The following ACSL6 variants were observed in gnomAD, a reference collection of about 807,000 sequenced individuals.
ACSL6 encodes the protein long-chain-fatty-acid--CoA ligase 6.
ACSL6 carries 47 observed loss-of-function variants against 98.2 expected under a neutral mutation model. The ratio of observed to expected loss-of-function variants is 0.48; its 90% CI spans 0.38 to 0.61. ACSL6 has a LOEUF of 0.61. Among genes scored for constraint, ACSL6 ranks in the 20% least tolerant of loss-of-function variants. The probability of loss-of-function intolerance (pLI) is 0.00; values close to 1 mark genes in which losing one functional copy is unlikely to be tolerated. For missense variants in ACSL6, 761 were observed against 913.4 expected (o/e 0.83, Z 2.15); for synonymous variants, 362 against 336.9 (o/e 1.07, Z -0.82).
intron 9 of ACSL6, among the ~76,000 whole-genome samples, chr5:131,981,632 A>T (rs117629905): frequency 0.018 from 2,700 of 152,322 alleles, 41 homozygotes; most frequent in Admixed American, 0.062. Context: ...TTTGCTCAAC[A>T]TTGTGGCATA....
intron 7 of ACSL6, 49 bp downstream of exon 7, chr5:131,987,999 G>A (rs758058265): frequency 4.4e-6 from 7 of 1,597,848 alleles, no homozygotes; most frequent in South Asian, 2.3e-5. Context: ...TTCTGACTTG[G>A]TGACCAGCCA....
chr5:131,966,254 T>A (rs1194582795), intron 17 of ACSL6, among the ~76,000 whole-genome samples, 162 bp downstream of exon 17: 1 of 152,026 alleles, frequency 6.6e-6, no homozygotes, highest in Non-Finnish European at 1.5e-5. Context: ...AGGAAGATGC[T>A]CTGGGGCTCA....
intron 18 of ACSL6, 195 bp from the exon 19 acceptor site, chr5:131,960,816 A>G (rs1187878256): frequency 1.7e-5 from 8 of 483,104 alleles, no homozygotes; most frequent in Non-Finnish European, 2.9e-5. Context: ...CCCTAGTTTT[A>G]TATGAAAAAA....
chr5:131,976,544 G>GAA (rs34019873), intron 10 of ACSL6, 104 bp downstream of exon 10: 777 of 822,946 alleles, frequency 9.4e-4, no homozygotes, highest in East Asian at 1.3e-3. Context: ...GTTATATCAA[G>GAA]AAAAAAAAAA....
chr5:131,970,788 A>C (rs946456295), intron 14 of ACSL6, among the ~76,000 whole-genome samples: 1 of 152,164 alleles, frequency 6.6e-6, no homozygotes, highest in Non-Finnish European at 1.5e-5. Context: ...TCTACTTTTC[A>C]TCTGGATAAT....
chr5:131,997,099 C>A (rs1207813861), intron 1 of ACSL6, among the ~76,000 whole-genome samples: 2 of 152,224 alleles, frequency 1.3e-5, no homozygotes, highest in African/African-American at 4.8e-5. Flanking sequence ...GTCTGTGAGG[C>A]TGGCCTCTTG....
chr5:131,998,190 G>A (rs887455558), intron 1 of ACSL6, among the ~76,000 whole-genome samples: 1 of 152,094 alleles, frequency 6.6e-6, no homozygotes, highest in African/African-American at 2.4e-5. Flanking sequence ...TGTGTGTGTC[G>A]GGGGCAAGAG....
At chr5:132,011,686 G>A (rs1395481581), upstream of ACSL6, 1 of 1,268,148 alleles carries the variant, frequency 7.9e-7, no homozygotes, top group African/African-American at 1.6e-5. The surrounding 1 kb of genome is among the most constrained non-coding windows in gnomAD (Gnocchi z 5.4). Context: ...CCCGCCCTCC[G>A]GCCCCGCAGC....
rs576638266 is a variant in ACSL6, at chr5:131,988,984, G to A, written c.553-80C>T. On this transcript the variant is annotated intron_variant, in intron 5 of 20. Coordinates refer to ENST00000651883, the MANE Select transcript of ACSL6 (RefSeq NM_001009185.3). Reference sequence around the variant, plus strand: ...CTGCCCTTAGGCCTAGGTAACCAGCGTCCCTGCTCTAAGCCCTATGCCTGT... The same window carrying A: ...CTGCCCTTAGGCCTAGGTAACCAGCATCCCTGCTCTAAGCCCTATGCCTGT... 342 of 1,283,178 alleles carry A rather than the reference G, an allele frequency of 2.7e-4. 6 individuals are homozygous for A. In the East Asian group the frequency reaches 5.1e-3, roughly 19 times the overall value. The allele number at this position is 1,283,178 out of a possible 1,614,324, so 79.5% of individuals were successfully genotyped here. A position where few individuals can be genotyped will look rare whatever the true frequency, so the allele number is the denominator to read the frequency against.
chr5:131,984,614 G>A (rs555183436), intron 9 of ACSL6: 1 of 152,582 alleles, frequency 6.6e-6, no homozygotes, highest in African/African-American at 2.4e-5. Flanking sequence ...CTGTGCTGAG[G>A]CCCCAGTGGT....
rs1317425000 is a variant in ACSL6, at chr5:131,962,687, T to C, written c.1714-9A>G. 3 of 1,613,658 alleles carry C rather than the reference T, an allele frequency of 1.9e-6. No individual in the cohort carries two copies. Among genetic ancestry groups the C allele is most frequent in the Non-Finnish European group, 2.5e-6 (3 of 1,179,738 alleles). On this transcript the variant is annotated splice_polypyrimidine_tract_variant and intron_variant, in intron 17 of 20. Coordinates refer to ENST00000651883, the MANE Select transcript of ACSL6 (RefSeq NM_001009185.3). ...ATTTTAAGAGTTCCTGCCTGTAGAG[T>C]TGGACAAACAGCTTTATAAGAACAT... is the stretch of plus-strand genomic sequence containing the variant.
Position 131,962,820 on chromosome 5 carries a change from G to C in ACSL6, c.1714-142C>G, listed in dbSNP as rs1238366181. 3 of 928,370 alleles carry C rather than the reference G, an allele frequency of 3.2e-6. No homozygotes were observed. The Admixed American group carries it at 7.7e-5, about 24-fold the overall frequency. The allele number at this position is 928,370 out of a possible 1,614,324, so 57.5% of individuals were successfully genotyped here. On this transcript the variant is annotated intron_variant, in intron 17 of 20. Coordinates refer to ENST00000651883, the MANE Select transcript of ACSL6 (RefSeq NM_001009185.3). ...TTTCCATCTGTTGTGTCTGCTCTTA[G>C]GGAGCTGCAGGGCTCCTGGAGAGAA...
chr5:131,951,914 A>C lies in ACSL6; in HGVS notation c.*2320T>G, dbSNP rs1268464047. 1.8e-5 allele frequency: 3 copies of C among 171,046 alleles called. No homozygotes were observed. Among genetic ancestry groups the C allele is most frequent in the African/African-American group, 7.1e-5 (3 of 42,086 alleles). 10.6% of individuals were successfully genotyped at this position (171,046 alleles called of 1,614,324 possible). A position where few individuals can be genotyped will look rare whatever the true frequency, so the allele number is the denominator to read the frequency against. On this transcript the variant is annotated 3_prime_UTR_variant, in exon 21 of 21. Transcript: ENST00000651883. ...AAAGAAGAAATATTAAGTTGTCCATAATCTGTTATATCTAACTATTATAAA... is the reference window on the plus strand; with the variant it reads ...AAAGAAGAAATATTAAGTTGTCCATCATCTGTTATATCTAACTATTATAAA...
At chr5:131,985,550 A>G in intron 8 of ACSL6, 92 bp from the exon 9 acceptor site, 5 of 1,349,416 alleles carry the variant, frequency 3.7e-6, no homozygotes, top group Non-Finnish European at 5.3e-6. Flanking sequence ...CCAGGCCCAT[A>G]TGTATGCTGT....
chr5:131,980,300 A>T (rs2126856081), intron 9 of ACSL6, among the ~76,000 whole-genome samples: 1 of 152,288 alleles, frequency 6.6e-6, no homozygotes, highest in African/African-American at 2.4e-5. Context: ...TCCCATATCC[A>T]CCAATTTTTA....
At chr5:131,973,643 G>T in intron 11 of ACSL6, 1 of 390,176 alleles carries the variant, frequency 2.6e-6, no homozygotes, top group South Asian at 4.7e-5. Flanking sequence ...CTGAGCCTCT[G>T]GGAGATGCCA....
intron 1 of ACSL6, among the ~76,000 whole-genome samples, chr5:132,000,266 G>A (rs1433167821): frequency 3.3e-5 from 5 of 152,140 alleles, no homozygotes; most frequent in African/African-American, 7.2e-5. Context: ...GAGCCAGCAG[G>A]TGGAAGATAG....
chr5:131,976,792 T>G (rs575036506), intron 9 of ACSL6, 71 bp from the exon 10 acceptor site: 7 of 1,334,970 alleles, frequency 5.2e-6, no homozygotes, highest in African/African-American at 1.4e-5. Context: ...AGTGCCCAAG[T>G]TGGCAGTCCC....
At chr5:131,998,405 A>G (rs1337477553) in intron 1 of ACSL6, among the ~76,000 whole-genome samples, 2 of 152,202 alleles carry the variant, frequency 1.3e-5, no homozygotes, top group Admixed American at 1.3e-4. Flanking sequence ...AGCTAAGGCT[A>G]AGGAAACTGG....
Sources: gnomAD v4.1 joint callset for allele counts (sites outside exome capture counted in the v4.1 genomes callset) on GRCh38, gnomAD v4.1.1 for gene constraint, Gnocchi (gnomAD v3.1) non-coding constraint, MANE v1.5 for transcripts, NCBI Gene and HGNC (gene_info 2026-07-23, HGNC 2026-07-21) for gene names.